Variants in BCHE observed in about 807,000 individuals in gnomAD.
BCHE encodes the protein cholinesterase.
BCHE carries 48 observed loss-of-function variants against 51.3 expected under a neutral mutation model. The observed-to-expected ratio is 0.94, with a 90% CI of 0.74 to 1.19. The LOEUF (loss-of-function observed/expected upper bound fraction) is 1.19. Among genes scored for constraint, BCHE ranks in the 50% most tolerant of loss-of-function variants. The pLI is 0.00. For missense variants in BCHE, 847 were observed against 708.2 expected, an observed-to-expected ratio of 1.20 and a Z score of -2.23; for synonymous variants, 251 against 238.0, an observed-to-expected ratio of 1.05 and a Z score of -0.50.
chr3:165,802,751 G>T (rs1263056118), intron 2 of BCHE, among the ~76,000 whole-genome samples: 1 of 150,536 alleles, frequency 6.6e-6, no homozygotes, highest in Non-Finnish European at 1.5e-5. Flanking sequence ...TTGTTTTGTT[G>T]TGTTTTTTGA....
At chr3:165,813,258 T>G (rs1714177435) in intron 2 of BCHE, among the ~76,000 whole-genome samples, 1 of 151,740 alleles carries the variant, frequency 6.6e-6, no homozygotes, top group Non-Finnish European at 1.5e-5. Flanking sequence ...CTGAATGAAT[T>G]TTTATATTAT....
chr3:165,790,517 C>T (rs1014031585), intron 2 of BCHE, among the ~76,000 whole-genome samples: 1 of 152,146 alleles, frequency 6.6e-6, no homozygotes, highest in African/African-American at 2.4e-5. Flanking sequence ...ATGAATAGCT[C>T]TTCTGAGTTA....
At chr3:165,792,002 G>A (rs945769311) in intron 2 of BCHE, among the ~76,000 whole-genome samples, 11 of 131,998 alleles carry the variant, frequency 8.3e-5, no homozygotes, top group African/African-American at 3.6e-4. Flanking sequence ...GAGTTCACAT[G>A]TTAAGTTCAC....
chr3:165,800,649 T>C (rs989480016), intron 2 of BCHE, among the ~76,000 whole-genome samples: 1 of 152,080 alleles, frequency 6.6e-6, no homozygotes, highest in African/African-American at 2.4e-5. Context: ...TGTGAAAAAA[T>C]GAGATTACTC....
intron 3 of BCHE, among the ~76,000 whole-genome samples, chr3:165,776,132 T>A (rs1054976813): frequency 6.6e-6 from 1 of 151,990 alleles, no homozygotes; most frequent in African/African-American, 2.4e-5. Context: ...TAAACTTGAT[T>A]AGCAAATTTT....
chr3:165,797,787 G>C (rs1346989360), intron 2 of BCHE, among the ~76,000 whole-genome samples: 1 of 152,064 alleles, frequency 6.6e-6, no homozygotes, highest in Non-Finnish European at 1.5e-5. Context: ...ATGAGTCTAG[G>C]AACTGCCAGA....
At chr3:165,791,565 C>T (rs2108206511) in intron 2 of BCHE, among the ~76,000 whole-genome samples, 1 of 152,192 alleles carries the variant, frequency 6.6e-6, no homozygotes, top group East Asian at 1.9e-4. Flanking sequence ...AAGGTTGATT[C>T]CAAAGATTCT....
chr3:165,829,681 G>C lies in BCHE; in HGVS notation c.1353C>G (p.His451Gln). ...GNNAFFYYFE[H>Q]RSSKLPWPEW... is the part of the protein sequence containing the mutation. ...CTGGCCACGGAAGTTTGGAGGATCG[G>C]TGTTCAAAATAGTAGAAAAAGGCAT... The change falls in exon 2 of 4, where the codon CAC becomes CAG. Residue 451 changes from histidine (H) to glutamine (Q), a missense_variant. Transcript: ENST00000264381. 6.2e-7 allele frequency: 1 copy of C among 1,613,834 alleles called. No individual in the cohort carries two copies. Among genetic ancestry groups the C allele is most frequent in the Non-Finnish European group, 8.5e-7 (1 of 1,179,900 alleles).
intron 1 of BCHE, among the ~76,000 whole-genome samples, chr3:165,833,829 AG>A (rs1715077915): frequency 2.6e-5 from 4 of 152,056 alleles, no homozygotes; most frequent in Admixed American, 6.5e-5. Flanking sequence ...GGGAAGAAAA[AG>A]TGAATAAGGT....
intron 2 of BCHE, among the ~76,000 whole-genome samples, chr3:165,814,696 T>C (rs1257968157): frequency 6.6e-6 from 1 of 152,072 alleles, no homozygotes; most frequent in African/African-American, 2.4e-5. Context: ...ATGTCTGACA[T>C]ACTTTTCAGC....
At chr3:165,835,411 T>C (rs974764215) in intron 1 of BCHE, among the ~76,000 whole-genome samples, 3 of 151,806 alleles carry the variant, frequency 2.0e-5, no homozygotes, top group Non-Finnish European at 3.0e-5. Flanking sequence ...ATTCAAAATA[T>C]TTTCCCTGTG....
At chr3:165,809,898 A>T (rs1056706874) in intron 2 of BCHE, among the ~76,000 whole-genome samples, 13 of 152,166 alleles carry the variant, frequency 8.5e-5, no homozygotes, top group African/African-American at 3.1e-4. Context: ...GTATTATCAT[A>T]CTAAGAATTA....
Position 165,837,352 on chromosome 3 carries a change from G to A in BCHE, c.-47C>T. The stretch of plus-strand genomic sequence containing the variant: ...ACAAAGATGGCAAAGTTTGCAAGGA[G>A]TGAAAATCATGTAATACTTCGGGGA... On this transcript the variant is annotated 5_prime_UTR_variant, in exon 1 of 4. Transcript: ENST00000264381. The A allele has an allele frequency of 3.1e-6, 4 of 1,289,754 alleles. No individual in the cohort carries two copies. The highest frequency in any genetic ancestry group is 4.0e-6 in the Non-Finnish European group (4 of 988,832). 79.9% of individuals were successfully genotyped at this position (1,289,754 alleles called of 1,614,324 possible).
intron 2 of BCHE, among the ~76,000 whole-genome samples, chr3:165,818,671 A>G (rs1321955766): frequency 6.6e-6 from 1 of 152,138 alleles, no homozygotes; most frequent in Non-Finnish European, 1.5e-5. Context: ...GGAAACTACC[A>G]ACACGAAGAT....
At chr3:165,800,111 C>T (rs1023765581) in intron 2 of BCHE, among the ~76,000 whole-genome samples, 2 of 151,876 alleles carry the variant, frequency 1.3e-5, no homozygotes, top group African/African-American at 4.8e-5. Flanking sequence ...ATTTTTTCCT[C>T]CAAAATTTTT....
intron 2 of BCHE, among the ~76,000 whole-genome samples, chr3:165,798,874 C>T (rs375762542): frequency 1.5e-4 from 23 of 151,554 alleles, no homozygotes; most frequent in East Asian, 9.7e-4. Context: ...TAAAACAAAA[C>T]GAAACAAACA....
intron 2 of BCHE, among the ~76,000 whole-genome samples, chr3:165,788,953 CAA>C (rs545101062): frequency 1.7e-3 from 263 of 152,128 alleles, no homozygotes; most frequent in African/African-American, 6.2e-3. Flanking sequence ...TACAAAATAA[CAA>C]GAGAGACAAT....
intron 2 of BCHE, among the ~76,000 whole-genome samples, chr3:165,814,033 T>A (rs192571999): frequency 4.6e-5 from 7 of 152,150 alleles, no homozygotes; most frequent in African/African-American, 1.7e-4. Flanking sequence ...TTTCTTTGAC[T>A]TCCACAATGA....
At chr3:165,808,220 C>T (rs1403430554) in intron 2 of BCHE, among the ~76,000 whole-genome samples, 1 of 151,880 alleles carries the variant, frequency 6.6e-6, no homozygotes, top group African/African-American at 2.4e-5. Context: ...TTCCTGACCT[C>T]GTGATCAGCC....
Sources: gnomAD v4.1 joint callset for allele counts (sites outside exome capture counted in the v4.1 genomes callset) on GRCh38, gnomAD v4.1.1 for gene constraint, MANE v1.5 for transcripts, NCBI Gene and HGNC (gene_info 2026-07-23, HGNC 2026-07-21) for gene names.